Variants in ERAP1 observed in about 807,000 individuals in gnomAD.
ERAP1 encodes the protein adipocyte-derived leucine aminopeptidase.
In ERAP1, 86 loss-of-function variants were observed where a neutral mutation model predicts 103.7. The observed-to-expected ratio is 0.83, with a 90% CI of 0.70 to 0.99. The LOEUF (loss-of-function observed/expected upper bound fraction) is 0.99. Among genes scored for constraint, ERAP1 ranks in the 50% least tolerant of loss-of-function variants. The probability of loss-of-function intolerance (pLI) is 0.00; values close to 1 mark genes in which losing one functional copy is unlikely to be tolerated. For missense variants in ERAP1, 1,009 were observed against 1,128.4 expected, an observed-to-expected ratio of 0.89 and a Z score of 1.52; for synonymous variants, 398 against 402.4, an observed-to-expected ratio of 0.99 and a Z score of 0.13.
chr5:96,913,426 G>C, the ERAP1 span: 2 of 1,614,108 alleles, frequency 1.2e-6, no homozygotes, highest in Non-Finnish European at 8.5e-7. Context: ...ATGGGATTTT[G>C]TAAGAGAAAA....
intron 3 of ERAP1, among the ~76,000 whole-genome samples, chr5:96,798,991 C>A (rs1416708550): frequency 6.6e-6 from 1 of 151,750 alleles, no homozygotes; most frequent in Non-Finnish European, 1.5e-5. Flanking sequence ...CCTCAGCCCC[C>A]CAAGTAGCTA....
the ERAP1 span, among the ~76,000 whole-genome samples, chr5:96,839,494 A>G: frequency 6.6e-6 from 1 of 152,268 alleles, no homozygotes; most frequent in Non-Finnish European, 1.5e-5. Context: ...GAAACTTCTA[A>G]GGATTTAGAG....
At chr5:96,896,306 C>A in the ERAP1 span, 1 of 1,275,424 alleles carries the variant, frequency 7.8e-7, no homozygotes, top group Non-Finnish European at 1.1e-6. Flanking sequence ...ACTAAACCTA[C>A]TATGTTTTCT....
At chr5:96,862,981 G>A in the ERAP1 span, among the ~76,000 whole-genome samples, 2 of 152,116 alleles carry the variant, frequency 1.3e-5, no homozygotes, top group Non-Finnish European at 2.9e-5. Flanking sequence ...GTTGAGCAGG[G>A]CATAACTGAA....
intron 11 of ERAP1, among the ~76,000 whole-genome samples, chr5:96,787,232 T>A (rs189087946): frequency 2.6e-5 from 4 of 152,224 alleles, no homozygotes; most frequent in Non-Finnish European, 5.9e-5. Flanking sequence ...ATAATTGTAC[T>A]GTGGCTATGG....
At chr5:96,828,423 T>TAAATTTTC in the ERAP1 span, among the ~76,000 whole-genome samples, 2 of 152,186 alleles carry the variant, frequency 1.3e-5, no homozygotes, top group Admixed American at 6.5e-5. Flanking sequence ...TTTCAAATAT[T>TAAATTTTC]AAATTTTCAA....
downstream of ERAP1, chr5:96,772,871 G>A (rs1015769487): frequency 1.3e-5 from 2 of 153,292 alleles, no homozygotes; most frequent in African/African-American, 2.4e-5. Context: ...TCAATTGGGA[G>A]AGAAAGCTTT....
At chr5:96,804,966 TGTG>T (rs1778409411) in intron 1 of ERAP1, 1 of 138,836 alleles carries the variant, frequency 7.2e-6, no homozygotes, top group Non-Finnish European at 1.6e-5. Flanking sequence ...AAAAAGGCAA[TGTG>T]AATTTTAAGG....
chr5:96,817,644 A>G, the ERAP1 span, among the ~76,000 whole-genome samples: 2 of 152,198 alleles, frequency 1.3e-5, no homozygotes, highest in South Asian at 4.1e-4. Flanking sequence ...TCGCAAAACC[A>G]CAATGTAGAA....
intron 15 of ERAP1, among the ~76,000 whole-genome samples, chr5:96,782,652 T>C (rs1775383932): frequency 6.6e-6 from 1 of 152,192 alleles, no homozygotes; most frequent in South Asian, 2.1e-4. Flanking sequence ...CCAGATACGG[T>C]AAAATCCTAC....
the ERAP1 span, chr5:96,880,064 G>T: frequency 1.2e-6 from 2 of 1,614,048 alleles, no homozygotes; most frequent in Admixed American, 3.3e-5. Context: ...GTCAGAGGAA[G>T]ATTCAAGATA....
the ERAP1 span, among the ~76,000 whole-genome samples, chr5:96,836,805 C>T: frequency 1.2e-4 from 18 of 152,226 alleles, no homozygotes; most frequent in African/African-American, 4.3e-4. Context: ...TCATTCTTCT[C>T]CTTAAAAGAT....
intron 2 of ERAP1, 67 bp downstream of exon 2, chr5:96,803,336 A>C (rs567934583): frequency 1.4e-6 from 2 of 1,480,696 alleles, no homozygotes; most frequent in South Asian, 1.2e-5. Flanking sequence ...AAAGACAATC[A>C]ATCTGAAATA....
the ERAP1 span, among the ~76,000 whole-genome samples, chr5:96,874,136 G>GAGAGAAAGAAAGAA: frequency 3.6e-4 from 43 of 118,884 alleles, no homozygotes; most frequent in African/African-American, 1.3e-3. Flanking sequence ...GAAAGAGAGA[G>GAGAGAAAGAAAGAA]AGAAAGAAAG....
rs993749865 is a variant in ERAP1, at chr5:96,775,208, T to C, written c.*1188A>G. ...CTGTGCTTTCTATTATTATCATCTATACATAAAACCTGAGCAGCAACTGTG... is the reference window on the plus strand; with the variant it reads ...CTGTGCTTTCTATTATTATCATCTACACATAAAACCTGAGCAGCAACTGTG... On this transcript the variant is annotated 3_prime_UTR_variant, in exon 19 of 19. Coordinates refer to ENST00000443439, the MANE Select transcript of ERAP1 (RefSeq NM_001040458.3). 6.1e-6 allele frequency: 6 copies of C among 985,450 alleles called. No homozygotes were observed. The highest frequency in any genetic ancestry group is 4.8e-6 in the Non-Finnish European group (4 of 829,940). The allele number at this position is 985,450 out of a possible 1,614,324, so 61.0% of individuals were successfully genotyped here.
At chr5:96,811,790 G>C (rs954996018), upstream of ERAP1, among the ~76,000 whole-genome samples, 4 of 152,198 alleles carry the variant, frequency 2.6e-5, no homozygotes, top group African/African-American at 9.7e-5. Context: ...TAGGTGCCAC[G>C]AGGACTGATC....
At chr5:96,934,290 TG>T in the ERAP1 span, 1 of 152,228 alleles carries the variant, frequency 6.6e-6, no homozygotes, top group Non-Finnish European at 1.5e-5. Flanking sequence ...AGAGTGTTTG[TG>T]GCTATTTTAG....
At chr5:96,874,805 G>T in the ERAP1 span, among the ~76,000 whole-genome samples, 1 of 152,228 alleles carries the variant, frequency 6.6e-6, no homozygotes, top group African/African-American at 2.4e-5. Flanking sequence ...AACATAGGTT[G>T]CAAACACAAA....
chr5:96,818,259 A>G, the ERAP1 span, among the ~76,000 whole-genome samples: 1 of 152,112 alleles, frequency 6.6e-6, no homozygotes, highest in Non-Finnish European at 1.5e-5. Context: ...TGCCTGCTCA[A>G]CACACCTCCC....
Sources: gnomAD v4.1 joint callset for allele counts (sites outside exome capture counted in the v4.1 genomes callset) on GRCh38, gnomAD v4.1.1 for gene constraint, MANE v1.5 for transcripts, NCBI Gene and HGNC (gene_info 2026-07-23, HGNC 2026-07-21) for gene names.